SMC4: variants seen among roughly 807,000 people sequenced by gnomAD.
SMC4 encodes the protein structural maintenance of chromosomes 4.
A neutral mutation model predicts 145.6 loss-of-function variants in SMC4; 87 were observed. The ratio of observed to expected loss-of-function variants is 0.60; its 90% CI spans 0.50 to 0.71. SMC4 has a LOEUF of 0.71. Ranked by LOEUF, SMC4 falls within the 30% of genes least tolerant of loss-of-function variation. The probability of loss-of-function intolerance (pLI) is 0.00; values close to 1 mark genes in which losing one functional copy is unlikely to be tolerated. For synonymous variants in SMC4, 558 were observed against 500.7 expected (o/e 1.11, Z -1.53); for missense variants, 1,447 against 1,537.1 (o/e 0.94, Z 0.98).
Position 160,416,286 on chromosome 3 carries a change from C to T in SMC4, c.1308C>T (p.Asn436=), listed in dbSNP as rs1553772779. Reference sequence around the variant, plus strand: ...TTAAAAGTATACCTGCCAAGAGTAACAATATCATTAATGAAACAACAACCA... The same window carrying T: ...TTAAAAGTATACCTGCCAAGAGTAATAATATCATTAATGAAACAACAACCA... ...EEFKSIPAKS[N]NIINETTTRN... Residue 436 remains asparagine (N), a synonymous_variant, in exon 10 of 24, where the codon AAC becomes AAT. Coordinates refer to ENST00000357388, the MANE Select transcript of SMC4 (RefSeq NM_001002800.3). The T allele has an allele frequency of 4.4e-6, 7 of 1,595,108 alleles. No homozygotes were observed. The Middle Eastern group carries it at 8.4e-4, about 192-fold the overall frequency.
chr3:160,400,958 C>T lies in SMC4; in HGVS notation c.132C>T (p.Thr44=). The T allele has an allele frequency of 4.9e-6, 7 of 1,427,888 alleles. No homozygotes were observed. The highest frequency in any genetic ancestry group is 1.5e-5 in the South Asian group (1 of 68,626). The allele number at this position is 1,427,888 out of a possible 1,614,324, so 88.5% of individuals were successfully genotyped here. A position where few individuals can be genotyped will look rare whatever the true frequency, so the allele number is the denominator to read the frequency against. Residue 44 remains threonine (T), a synonymous_variant, in exon 2 of 24, where the codon ACC becomes ACT. Transcript: ENST00000357388. The part of the protein sequence containing the change: ...PPSGRTESPA[T]AAETASEELD... Reference sequence around the variant, plus strand: ...CCGGCCGCACGGAGAGCCCAGCCACCGCCGCAGGTGAGTGACCCGCCGCGA... The same window carrying T: ...CCGGCCGCACGGAGAGCCCAGCCACTGCCGCAGGTGAGTGACCCGCCGCGA...
chr3:160,419,691 C>A, intron 12 of SMC4, 148 bp downstream of exon 12: 1 of 736,628 alleles, frequency 1.4e-6, no homozygotes, highest in African/African-American at 1.9e-5. Context: ...TATTTTTAAA[C>A]ATTTTGCCCT....
chr3:160,407,951 C>T (rs1405145921), intron 5 of SMC4, among the ~76,000 whole-genome samples: 1 of 152,024 alleles, frequency 6.6e-6, no homozygotes, highest in East Asian at 1.9e-4. Context: ...TCCTTGGCCT[C>T]TGGTAGCTTA....
intron 19 of SMC4, 67 bp from the exon 20 acceptor site, chr3:160,430,965 T>G (rs1341252422): frequency 2.0e-6 from 3 of 1,486,568 alleles, no homozygotes; most frequent in Non-Finnish European, 2.7e-6. Context: ...AATTCCTTCA[T>G]CTCTGTAATG....
chr3:160,423,882 TA>T (rs753802690), intron 15 of SMC4, 42 bp downstream of exon 15: 10 of 1,417,316 alleles, frequency 7.1e-6, no homozygotes, highest in South Asian at 1.3e-5. Flanking sequence ...TTTTTTTTTT[TA>T]AATAGCTTTA....
intron 5 of SMC4, among the ~76,000 whole-genome samples, chr3:160,409,215 G>A (rs1280793311): frequency 7.4e-6 from 1 of 135,676 alleles, no homozygotes; most frequent in Admixed American, 8.3e-5. Context: ...GCAGTGAGTC[G>A]AGATCGCGCC....
intron 18 of SMC4, 106 bp from the exon 19 acceptor site, chr3:160,430,493 T>C (rs1718281465): frequency 9.9e-7 from 1 of 1,013,356 alleles, no homozygotes; most frequent in African/African-American, 1.6e-5. Flanking sequence ...AATATATGAA[T>C]AGAAAAAATG....
At chr3:160,404,208 A>G (rs923304378) in intron 4 of SMC4, 120 bp from the exon 5 acceptor site, 8 of 801,098 alleles carry the variant, frequency 1.0e-5, no homozygotes, top group African/African-American at 1.8e-5. Context: ...GTTTGTGTGC[A>G]TGTTCAATTG....
chr3:160,433,728 T>C lies in SMC4; in HGVS notation c.3786T>C (p.Leu1262=). ...ATATGTTTGAGATTTCGGATAGACT[T>C]ATTGGAATTTACAAGACATACAACA... The part of the protein sequence containing the change: ...RNNMFEISDR[L]IGIYKTYNIT... The change falls in exon 24 of 24, where the codon CTT becomes CTC. Residue 1262 remains leucine, a synonymous_variant. Transcript: ENST00000357388. 1 of 1,591,048 alleles carries C rather than the reference T, an allele frequency of 6.3e-7. No homozygotes were observed. The highest frequency in any genetic ancestry group is 1.1e-5 in the South Asian group (1 of 87,128).
intron 17 of SMC4, among the ~76,000 whole-genome samples, 192 bp downstream of exon 17, chr3:160,426,392 C>G (rs1489557253): frequency 6.6e-6 from 1 of 152,126 alleles, no homozygotes; most frequent in African/African-American, 2.4e-5. Context: ...AGGCATTTGC[C>G]TAAGGTCACA....
intron 10 of SMC4, 22 bp downstream of exon 10, chr3:160,416,437 G>A (rs1288343164): frequency 2.2e-6 from 3 of 1,374,168 alleles, no homozygotes; most frequent in Admixed American, 2.5e-5. Flanking sequence ...TTTTTTATCA[G>A]TGTTTATTTT....
chr3:160,411,876 G>A, intron 5 of SMC4, 44 bp from the exon 6 acceptor site: 1 of 1,534,172 alleles, frequency 6.5e-7, no homozygotes, highest in Non-Finnish European at 8.9e-7. Flanking sequence ...GATTGATTTA[G>A]CTAAACATAC....
At chr3:160,420,691 C>G in intron 12 of SMC4, 49 bp from the exon 13 acceptor site, 5 of 1,585,726 alleles carry the variant, frequency 3.2e-6, no homozygotes, top group Non-Finnish European at 4.3e-6. Flanking sequence ...ATGAAATGGT[C>G]CTGTGCTTTT....
chr3:160,420,330 C>T (rs1717031346), intron 12 of SMC4, among the ~76,000 whole-genome samples: 1 of 152,186 alleles, frequency 6.6e-6, no homozygotes, highest in South Asian at 2.1e-4. Flanking sequence ...TAAAGATAAA[C>T]AGTTTGATCC....
chr3:160,412,413 G>C lies in SMC4; in HGVS notation c.940G>C (p.Glu314Gln). Reference sequence around the variant, plus strand: ...TATCGAATTTCTTACCTTGGAAAATGAAATATTTAGAAAAAAGAATCATGT... The same window carrying C: ...TATCGAATTTCTTACCTTGGAAAATCAAATATTTAGAAAAAAGAATCATGT... ...IAIEFLTLEN[E>Q]IFRKKNHVCQ... The change falls in exon 7 of 24, where the codon GAA becomes CAA. Residue 314 changes from glutamate (E) to glutamine (Q), a missense_variant. Transcript: ENST00000357388. 6.2e-7 allele frequency: 1 copy of C among 1,605,234 alleles called. No homozygotes were observed. Among genetic ancestry groups the C allele is most frequent in the South Asian group, 1.1e-5 (1 of 90,244 alleles).
intron 9 of SMC4, among the ~76,000 whole-genome samples, chr3:160,415,986 A>G (rs1165463655): frequency 1.3e-5 from 2 of 152,220 alleles, no homozygotes. Context: ...GGAGAGAAGG[A>G]TGACAGACCT....
intron 17 of SMC4, among the ~76,000 whole-genome samples, chr3:160,426,598 A>T (rs776600822): frequency 5.3e-5 from 8 of 151,850 alleles, no homozygotes; most frequent in Non-Finnish European, 7.4e-5. Context: ...GAAAACTTAA[A>T]ATATATATAT....
intron 10 of SMC4, 163 bp from the exon 11 acceptor site, chr3:160,417,560 T>G: frequency 1.6e-6 from 1 of 626,302 alleles, no homozygotes; most frequent in Non-Finnish European, 2.8e-6. Flanking sequence ...TATTGACAAC[T>G]AGGCAAAAAC....
chr3:160,430,859 ACTAT>A, intron 19 of SMC4, 116 bp downstream of exon 19: 1 of 1,288,072 alleles, frequency 7.8e-7, no homozygotes, highest in Non-Finnish European at 1.1e-6. Flanking sequence ...AAGTTTTATA[ACTAT>A]CAATTTTTAT....
Sources: gnomAD v4.1 joint callset for allele counts (sites outside exome capture counted in the v4.1 genomes callset) on GRCh38, gnomAD v4.1.1 for gene constraint, MANE v1.5 for transcripts, NCBI Gene and HGNC (gene_info 2026-07-23, HGNC 2026-07-21) for gene names.